The following LRIG3 variants were observed in gnomAD, a reference collection of about 807,000 sequenced individuals.
LRIG3 encodes leucine-rich repeats and immunoglobulin-like domains protein 3.
In LRIG3, 76 loss-of-function variants were observed where a neutral mutation model predicts 114.5. That is an observed-to-expected ratio of 0.66 (90% CI 0.55 to 0.80). LRIG3 has a LOEUF of 0.80. Among genes scored for constraint, LRIG3 ranks in the 30% least tolerant of loss-of-function variants. The pLI is 0.00. For missense variants in LRIG3, 1,239 were observed against 1,382.8 expected, an observed-to-expected ratio of 0.90 and a Z score of 1.65; for synonymous variants, 512 against 519.8, an observed-to-expected ratio of 0.98 and a Z score of 0.20.
chr12:58,911,239 C>T (rs1225711900), intron 3 of LRIG3, among the ~76,000 whole-genome samples: 1 of 152,070 alleles, frequency 6.6e-6, no homozygotes, highest in South Asian at 2.1e-4. Context: ...GAGAATAGGT[C>T]CCTAACTGAA....
intron 16 of LRIG3, 101 bp from the exon 17 acceptor site, chr12:58,874,674 TA>T: frequency 6.8e-7 from 1 of 1,464,850 alleles, no homozygotes; most frequent in Non-Finnish European, 9.2e-7. Context: ...AAAGTTTGAC[TA>T]GAACATCATA....
chr12:58,878,125 G>A (rs1183673812), intron 14 of LRIG3, among the ~76,000 whole-genome samples: 1 of 152,052 alleles, frequency 6.6e-6, no homozygotes, highest in Non-Finnish European at 1.5e-5. Context: ...GGTAGTAGGG[G>A]GGGAGAGTGG....
chr12:58,899,242 G>GT (rs1346920946), intron 3 of LRIG3, among the ~76,000 whole-genome samples: 24 of 152,200 alleles, frequency 1.6e-4, no homozygotes, highest in Admixed American at 1.6e-3. Context: ...TCATTGAGAC[G>GT]TAACTCAGTA....
At position 58,920,327 on chromosome 12, in the gene LRIG3, C is replaced by T. The variant is rs117169805; in HGVS notation, c.-92G>A. 3 of 963,484 alleles carry T rather than the reference C, an allele frequency of 3.1e-6. No individual in the cohort carries two copies. Among genetic ancestry groups the T allele is most frequent in the Non-Finnish European group, 2.7e-6 (2 of 727,836 alleles). 59.7% of individuals were successfully genotyped at this position (963,484 alleles called of 1,614,324 possible). A position where few individuals can be genotyped will look rare whatever the true frequency, so the allele number is the denominator to read the frequency against. On this transcript the variant is annotated 5_prime_UTR_variant, in exon 1 of 19. Coordinates refer to ENST00000320743, the MANE Select transcript of LRIG3 (RefSeq NM_153377.5). ...ACTTCCAGCCGAGGGTGCACGCCCGCCCTCGCGGTCGCGTGCGCGCTCCTC... is the reference window on the plus strand; with the variant it reads ...ACTTCCAGCCGAGGGTGCACGCCCGTCCTCGCGGTCGCGTGCGCGCTCCTC...
At chr12:58,919,547 T>A (rs1401071123) in intron 1 of LRIG3, 1 of 1,549,876 alleles carries the variant, frequency 6.5e-7, no homozygotes, top group Non-Finnish European at 8.7e-7. Flanking sequence ...CTTCAGTTAC[T>A]GGGTGGGAAC....
Position 58,907,626 on chromosome 12 carries a change from C to T in LRIG3, c.383+6356G>A, listed in dbSNP as rs112855361. On this transcript the variant is annotated intron_variant, in intron 3 of 18. Coordinates refer to ENST00000320743, the MANE Select transcript of LRIG3 (RefSeq NM_153377.5). ...TACATTATGCCATTTGATCCTTTAC[C>T]GGAACCCCAGGAGAGAGATGGGCAG... Among the ~76,000 whole-genome samples, 119 of 152,230 alleles carry T rather than the reference C, an allele frequency of 7.8e-4. 1 individual carries two copies. Among genetic ancestry groups the T allele is most frequent in the Middle Eastern group, 3.4e-3 (1 of 294 alleles).
chr12:58,899,671 T>C (rs1367850690), intron 3 of LRIG3, among the ~76,000 whole-genome samples: 1 of 152,196 alleles, frequency 6.6e-6, no homozygotes, highest in African/African-American at 2.4e-5. Flanking sequence ...TTCTCATTTG[T>C]TTCAAACTCT....
Position 58,890,158 on chromosome 12 carries a change from T to C in LRIG3, c.516-19A>G, listed in dbSNP as rs2120915168. On this transcript the variant is annotated intron_variant, in intron 4 of 18. Transcript: ENST00000320743. ...GAGATACCTGTTGAAAGTTTAAAGATGAGCTTCTCCTTCTGATTTATTTGC... is the reference window on the plus strand; with the variant it reads ...GAGATACCTGTTGAAAGTTTAAAGACGAGCTTCTCCTTCTGATTTATTTGC... 6.2e-7 allele frequency: 1 copy of C among 1,610,560 alleles called. No individual in the cohort carries two copies. Among genetic ancestry groups the C allele is most frequent in the South Asian group, 1.1e-5 (1 of 90,666 alleles).
chr12:58,880,695 T>C lies in LRIG3; in HGVS notation c.1687A>G (p.Thr563Ala). Residue 563 changes from threonine (T) to alanine (A), a missense_variant, in exon 13 of 19, where the codon ACC becomes GCC. Transcript: ENST00000320743. ...RAQGGEVMEY[T>A]TILRLREVEF... is the part of the protein sequence containing the mutation. ...ACCTCGCGCAGCCGAAGGATGGTGGTATACTCCATCACCTCGCCACCTTGG... is the reference window on the plus strand; with the variant it reads ...ACCTCGCGCAGCCGAAGGATGGTGGCATACTCCATCACCTCGCCACCTTGG... 1 of 1,614,202 alleles carries C rather than the reference T, an allele frequency of 6.2e-7. No homozygotes were observed. The highest frequency in any genetic ancestry group is 8.5e-7 in the Non-Finnish European group (1 of 1,180,030).
In LRIG3 at chr12:58,887,934, T is replaced by C; in HGVS notation, c.948-2A>G. 1 of 1,602,174 alleles carries C rather than the reference T, an allele frequency of 6.2e-7. No individual in the cohort carries two copies. Among genetic ancestry groups the C allele is most frequent in the Non-Finnish European group, 8.5e-7 (1 of 1,176,258 alleles). Reference sequence around the variant, plus strand: ...GATAAGTGATTGAAAGTTAGGTCCCTGTAAAGAAAAAAGAGAAAAGCAATA... The same window carrying C: ...GATAAGTGATTGAAAGTTAGGTCCCCGTAAAGAAAAAAGAGAAAAGCAATA... On this transcript the variant is annotated splice_acceptor_variant, in intron 7 of 18. Coordinates refer to ENST00000320743, the MANE Select transcript of LRIG3 (RefSeq NM_153377.5). LOFTEE classifies it high-confidence loss of function.
At chr12:58,873,577 G>T (rs1870806870) in intron 18 of LRIG3, 1 of 169,052 alleles carries the variant, frequency 5.9e-6, no homozygotes, top group Non-Finnish European at 1.3e-5. Flanking sequence ...CCTTAAGGCT[G>T]GTTTTCTTGG....
chr12:58,877,046 G>T (rs949679492), intron 15 of LRIG3, among the ~76,000 whole-genome samples: 1 of 152,068 alleles, frequency 6.6e-6, no homozygotes, highest in Admixed American at 6.5e-5. Context: ...ATGCACATAC[G>T]CACAGACAAC....
At chr12:58,899,634 CTCCT>C (rs1485518448) in intron 3 of LRIG3, among the ~76,000 whole-genome samples, 1 of 152,048 alleles carries the variant, frequency 6.6e-6, no homozygotes, top group Admixed American at 6.6e-5. Flanking sequence ...ATGTTCCTTT[CTCCT>C]TCCATTTATC....
intron 9 of LRIG3, 77 bp downstream of exon 9, chr12:58,886,733 C>G: frequency 8.4e-7 from 1 of 1,195,058 alleles, no homozygotes; most frequent in Non-Finnish European, 1.2e-6. Context: ...ATGATGTCAA[C>G]TTGTATAGCT....
At chr12:58,894,691 A>T (rs76277762) in intron 3 of LRIG3, among the ~76,000 whole-genome samples, 1,847 of 152,358 alleles carry the variant, frequency 0.012, 33 homozygotes, top group East Asian at 0.087. Flanking sequence ...TATTTTTGGC[A>T]GGAAATGTGC....
intron 3 of LRIG3, among the ~76,000 whole-genome samples, chr12:58,902,469 C>A (rs187389412): frequency 6.6e-6 from 1 of 152,128 alleles, no homozygotes; most frequent in African/African-American, 2.4e-5. Flanking sequence ...ACTGCTCTAT[C>A]TGCTCAATAA....
intron 3 of LRIG3, among the ~76,000 whole-genome samples, chr12:58,899,901 G>C (rs1447240017): frequency 1.3e-5 from 2 of 152,154 alleles, no homozygotes; most frequent in Non-Finnish European, 2.9e-5. Context: ...CTCCAGTCTG[G>C]TGAGTAGAGC....
At chr12:58,910,045 CAATA>C (rs1872218318) in intron 3 of LRIG3, among the ~76,000 whole-genome samples, 1 of 152,070 alleles carries the variant, frequency 6.6e-6, no homozygotes, top group Admixed American at 6.5e-5. Flanking sequence ...CAAAGGTAAT[CAATA>C]TATATAATAA....
intron 3 of LRIG3, among the ~76,000 whole-genome samples, chr12:58,902,890 G>A (rs976367831): frequency 1.3e-5 from 2 of 152,030 alleles, no homozygotes; most frequent in African/African-American, 2.4e-5. Flanking sequence ...CCCTACAAAG[G>A]ACATGAACTC....
Sources: gnomAD v4.1 joint callset for allele counts (sites outside exome capture counted in the v4.1 genomes callset) on GRCh38, gnomAD v4.1.1 for gene constraint, MANE v1.5 for transcripts, NCBI Gene and HGNC (gene_info 2026-07-23, HGNC 2026-07-21) for gene names.